NEK6: variants seen among roughly 807,000 people sequenced by gnomAD.
NEK6 encodes the protein NIMA related kinase 6.
Under a neutral mutation model 43.5 loss-of-function variants are expected in NEK6, and 27 were observed. That is an observed-to-expected ratio of 0.62 (90% CI 0.46 to 0.86). The LOEUF (loss-of-function observed/expected upper bound fraction) is 0.86. NEK6 is among the 40% of genes least tolerant of loss of function. The pLI is 0.00. For missense variants in NEK6, 318 were observed against 414.4 expected, an observed-to-expected ratio of 0.77 and a Z score of 2.02; for synonymous variants, 167 against 164.1, an observed-to-expected ratio of 1.02 and a Z score of -0.14.
rs947506550 is a variant in NEK6, at chr9:124,327,525, G to A, written c.622+80G>A. On this transcript the variant is annotated intron_variant, in intron 7 of 9. Transcript: ENST00000320246. ...AGGGAGACGCAAACATTCTCCCCAC[G>A]TGTGTTTGGTCAGTTAGTGCAGGAA... 9.0e-6 allele frequency: 10 copies of A among 1,108,256 alleles called. No individual in the cohort carries two copies. The East Asian group carries it at 1.2e-4, about 13-fold the overall frequency. 68.7% of individuals were successfully genotyped at this position (1,108,256 alleles called of 1,614,324 possible).
chr9:124,326,418 C>T lies in NEK6; in HGVS notation c.494C>T (p.Ser165Leu), dbSNP rs748409240. Residue 165 changes from serine (S) to leucine (L), a missense_variant, in exon 6 of 10, where the codon TCA (serine) becomes TTA (leucine). By Grantham distance (145) the Ser-to-Leu change is moderately radical. This residue lies in a region of NEK6 where 239 missense variants were observed against 344.4 expected (regional missense o/e 0.69). Coordinates refer to ENST00000320246, the MANE Select transcript of NEK6 (RefSeq NM_014397.6). The surrounding 1 kb of genome is among the most constrained non-coding windows in gnomAD (Gnocchi z 4.5). ...TGCAGCGCCGTGGAGCACATGCATTCACGCCGGGTGATGCACCGAGGTACG... is the reference window on the plus strand; with the variant it reads ...TGCAGCGCCGTGGAGCACATGCATTTACGCCGGGTGATGCACCGAGGTACG... ...QLCSAVEHMH[S>L]RRVMHRDIKP... is the part of the protein sequence containing the mutation. 1.6e-5 allele frequency: 26 copies of T among 1,609,228 alleles called. No homozygotes were observed. Among genetic ancestry groups the T allele is most frequent in the Non-Finnish European group, 2.1e-5 (25 of 1,179,768 alleles).
chr9:124,300,708 G>A (rs1361805835), intron 1 of NEK6, among the ~76,000 whole-genome samples: 1 of 152,154 alleles, frequency 6.6e-6, no homozygotes, highest in Non-Finnish European at 1.5e-5. Context: ...GGGGCTCTAG[G>A]ATACGAGTCA....
At position 124,279,217 on chromosome 9, in the gene NEK6, C is replaced by G. The variant is rs554136214; in HGVS notation, c.-30+21132C>G. 2.8e-3 allele frequency among the ~76,000 whole-genome samples: 432 copies of G among 152,110 alleles called. 1 individual carries two copies. The highest frequency in any genetic ancestry group is 0.01 in the African/African-American group (419 of 41,490). On this transcript the variant is annotated intron_variant, in intron 1 of 9. Transcript: ENST00000320246. ...GGGCAAACAGGGCAGGGAGCTCCCC[C>G]TCGGACCCCTGGGAAACATGGGGCT... is the stretch of plus-strand genomic sequence containing the variant.
In NEK6 at chr9:124,283,396, C is replaced by T. The variant is rs76630700; in HGVS notation, c.-29-18540C>T. On this transcript the variant is annotated intron_variant, in intron 1 of 9. Transcript: ENST00000320246. ...CGTCCTAGGACACAGTTAGCTGAGA[C>T]GACCGGGCAGGGGTGGGGAAGTTGA... Among the ~76,000 whole-genome samples, 115 of 152,366 alleles carry T rather than the reference C, an allele frequency of 7.5e-4. No homozygotes were observed. In the East Asian group the frequency reaches 0.013, roughly 18 times the overall value.
intron 1 of NEK6, among the ~76,000 whole-genome samples, chr9:124,297,998 A>G (rs1043877928): frequency 2.0e-5 from 3 of 152,310 alleles, no homozygotes; most frequent in Admixed American, 6.5e-5. Flanking sequence ...GGAGAGCCCC[A>G]AGAGGCAGTA....
chr9:124,326,287 C>T lies in NEK6; in HGVS notation c.406-43C>T, dbSNP rs747356565. 9 of 1,494,892 alleles carry T rather than the reference C, an allele frequency of 6.0e-6. No individual in the cohort carries two copies. The highest frequency in any genetic ancestry group is 3.4e-4 in the Middle Eastern group (2 of 5,848). The allele number at this position is 1,494,892 out of a possible 1,614,324, so 92.6% of individuals were successfully genotyped here. On this transcript the variant is annotated intron_variant, in intron 5 of 9. Transcript: ENST00000320246. This position sits in a 1 kb window ranked among gnomAD's most constrained non-coding sequence, Gnocchi z 4.5. ...CCCTGTGGCCACCCACCTCCAAGCC[C>T]GCTCACCCGGGCCTATCCCTCTGCT... is the stretch of plus-strand genomic sequence containing the variant.
chr9:124,280,517 C>T (rs574424164), intron 1 of NEK6, among the ~76,000 whole-genome samples: 251 of 152,350 alleles, frequency 1.6e-3, no homozygotes, highest in Non-Finnish European at 2.9e-3. Context: ...TCCTCACGCT[C>T]ATGCGAATGT....
intron 3 of NEK6, among the ~76,000 whole-genome samples, 164 bp from the exon 4 acceptor site, chr9:124,313,759 C>T (rs1460679100): frequency 6.6e-6 from 1 of 152,022 alleles, no homozygotes; most frequent in African/African-American, 2.4e-5. Flanking sequence ...TGGGGGGACC[C>T]ACAGTGAGCA....
At chr9:124,273,751 G>A (rs1008369379) in intron 1 of NEK6, among the ~76,000 whole-genome samples, 7 of 152,212 alleles carry the variant, frequency 4.6e-5, no homozygotes, top group African/African-American at 1.7e-4. Flanking sequence ...GTGGCGGCTC[G>A]CAGCCTCACT....
chr9:124,341,957 G>T (rs1005148886), intron 8 of NEK6, among the ~76,000 whole-genome samples: 1 of 152,188 alleles, frequency 6.6e-6, no homozygotes, highest in Non-Finnish European at 1.5e-5. Flanking sequence ...GGAAAGCCCC[G>T]GGTGTGGAGA....
Position 124,268,326 on chromosome 9 carries a change from T to C in NEK6, c.-30+10241T>C, listed in dbSNP as rs1321062587. Among the ~76,000 whole-genome samples, 3 of 152,196 alleles carry C rather than the reference T, an allele frequency of 2.0e-5. No individual in the cohort carries two copies. In the East Asian group the frequency reaches 5.8e-4, roughly 29 times the overall value. ...ACACATTTACTCCTTCAATTGCCAT[T>C]CATCCAGCACTGTTTGCTGATGTAC... On this transcript the variant is annotated intron_variant, in intron 1 of 9. Coordinates refer to ENST00000320246, the MANE Select transcript of NEK6 (RefSeq NM_014397.6).
intron 4 of NEK6, among the ~76,000 whole-genome samples, chr9:124,318,716 G>A (rs928257864): frequency 3.3e-5 from 5 of 151,538 alleles, no homozygotes; most frequent in Non-Finnish European, 7.4e-5. Flanking sequence ...CAGCCACCCA[G>A]GCTGGAGTGC....
chr9:124,334,875 C>T (rs1296536730), intron 7 of NEK6, among the ~76,000 whole-genome samples: 1 of 152,196 alleles, frequency 6.6e-6, no homozygotes, highest in Non-Finnish European at 1.5e-5. Context: ...GTGTAGGTGA[C>T]CTCTCCCCAC....
chr9:124,286,339 CTG>C (rs1832157519), intron 1 of NEK6: 1 of 152,222 alleles, frequency 6.6e-6, no homozygotes, highest in Non-Finnish European at 1.5e-5. Flanking sequence ...TGAGTCCCTG[CTG>C]TGTGTCCCGG....
chr9:124,316,062 C>T (rs371686610), intron 4 of NEK6, among the ~76,000 whole-genome samples: 5 of 152,366 alleles, frequency 3.3e-5, no homozygotes, highest in African/African-American at 1.2e-4. Flanking sequence ...CAGCCGCCTT[C>T]CCGAACACGG....
At chr9:124,286,072 C>G (rs553570527) in intron 1 of NEK6, among the ~76,000 whole-genome samples, 15 of 152,096 alleles carry the variant, frequency 9.9e-5, no homozygotes, top group Non-Finnish European at 2.2e-4. Flanking sequence ...ACGGTTCCCC[C>G]CTCCCTGCCC....
At chr9:124,268,781 G>A (rs996719813) in intron 1 of NEK6, among the ~76,000 whole-genome samples, 1 of 152,202 alleles carries the variant, frequency 6.6e-6, no homozygotes, top group Non-Finnish European at 1.5e-5. Flanking sequence ...AGATCGCGTG[G>A]TTGGCTAAAT....
intron 2 of NEK6, among the ~76,000 whole-genome samples, chr9:124,310,676 C>G (rs113695607): frequency 1.3e-5 from 2 of 152,198 alleles, no homozygotes; most frequent in African/African-American, 4.8e-5. Flanking sequence ...AGGCCAACTG[C>G]AACCTCCGCC....
chr9:124,276,961 C>A (rs1377193649), intron 1 of NEK6, among the ~76,000 whole-genome samples: 1 of 152,016 alleles, frequency 6.6e-6, no homozygotes, highest in Non-Finnish European at 1.5e-5. Flanking sequence ...GGATGGCAAC[C>A]CAGAAACCTT....
Sources: allele counts gnomAD v4.1 joint callset (sites outside exome capture counted in the v4.1 genomes callset), GRCh38; gene constraint gnomAD v4.1.1; regional missense constraint gnomAD v4.1.1; non-coding constraint Gnocchi (gnomAD v3.1); transcripts MANE v1.5; gene names NCBI Gene and HGNC (gene_info 2026-07-23, HGNC 2026-07-21).